The following HS2ST1 variants were observed in gnomAD, a reference collection of about 807,000 sequenced individuals.
HS2ST1 encodes heparan sulfate 2-O-sulfotransferase 1.
A neutral mutation model predicts 42.9 loss-of-function variants in HS2ST1; 18 were observed. The observed-to-expected ratio is 0.42, with a 90% CI of 0.29 to 0.62. The LOEUF (loss-of-function observed/expected upper bound fraction) is 0.62. HS2ST1 is among the 20% of genes least tolerant of loss of function. The probability of loss-of-function intolerance (pLI) is 0.21; values close to 1 mark genes in which losing one functional copy is unlikely to be tolerated. For synonymous variants in HS2ST1, 146 were observed against 152.9 expected, an observed-to-expected ratio of 0.95 and a Z score of 0.33; for missense variants, 334 against 433.8, an observed-to-expected ratio of 0.77 and a Z score of 2.04.
chr1:86,936,933 T>TAACAA (rs1660666944), intron 1 of HS2ST1, among the ~76,000 whole-genome samples: 1 of 98,402 alleles, frequency 1.0e-5, no homozygotes, highest in Admixed American at 1.1e-4. Flanking sequence ...CCGTCTCTAC[T>TAACAA]AAAAAAAAAA....
intron 2 of HS2ST1, among the ~76,000 whole-genome samples, chr1:87,080,329 A>G (rs920063270): frequency 2.0e-5 from 3 of 152,220 alleles, no homozygotes; most frequent in Non-Finnish European, 4.4e-5. Flanking sequence ...AATAAAGTTG[A>G]TGAATGAATT....
intron 2 of HS2ST1, among the ~76,000 whole-genome samples, chr1:87,076,876 C>G (rs994071623): frequency 6.6e-6 from 1 of 152,184 alleles, no homozygotes; most frequent in Non-Finnish European, 1.5e-5. Flanking sequence ...TTTGTATTCT[C>G]TGAAGAACAA....
chr1:86,933,448 C>T (rs1660581596), intron 1 of HS2ST1, among the ~76,000 whole-genome samples: 1 of 152,120 alleles, frequency 6.6e-6, no homozygotes, highest in Admixed American at 6.5e-5. Context: ...CTGTTGAATC[C>T]GTCAAAGCAT....
Position 87,107,904 on chromosome 1 carries a change from C to G in HS2ST1, c.*3208C>G, listed in dbSNP as rs975311207. The G allele has an allele frequency of 6.6e-6, 1 of 152,050 alleles. No homozygotes were observed. The highest frequency in any genetic ancestry group is 1.5e-5 in the Non-Finnish European group (1 of 67,936). The allele number at this position is 152,050 out of a possible 1,614,324, so 9.4% of individuals were successfully genotyped here. On this transcript the variant is annotated 3_prime_UTR_variant, in exon 7 of 7. Coordinates refer to ENST00000370550, the MANE Select transcript of HS2ST1 (RefSeq NM_012262.4). ...TCATCCATATGCATTTGTGCAACTT[C>G]AAACATATTGGGTGCTTCTGAATTC...
chr1:87,020,244 C>T (rs1649901003), intron 1 of HS2ST1, among the ~76,000 whole-genome samples: 1 of 152,136 alleles, frequency 6.6e-6, no homozygotes, highest in Non-Finnish European at 1.5e-5. Context: ...TACAAGAAAG[C>T]AGATTAAAAT....
intron 1 of HS2ST1, among the ~76,000 whole-genome samples, chr1:87,065,560 C>G (rs1651227991): frequency 1.3e-5 from 2 of 152,190 alleles, no homozygotes; most frequent in Admixed American, 6.5e-5. Flanking sequence ...GGTAGTTAAT[C>G]TAGGGTCATA....
intron 1 of HS2ST1, among the ~76,000 whole-genome samples, chr1:87,068,462 G>C (rs1651310970): frequency 6.6e-6 from 1 of 152,190 alleles, no homozygotes; most frequent in Admixed American, 6.5e-5. Flanking sequence ...TTTGGGCTGA[G>C]ACGATGGGGT....
At chr1:87,012,388 G>C (rs1454276512) in intron 1 of HS2ST1, among the ~76,000 whole-genome samples, 1 of 152,064 alleles carries the variant, frequency 6.6e-6, no homozygotes, top group East Asian at 1.9e-4. Flanking sequence ...GCTTGTGCAG[G>C]GGACAAGCTC....
chr1:87,068,660 C>T (rs943873487), intron 1 of HS2ST1, among the ~76,000 whole-genome samples: 33 of 152,066 alleles, frequency 2.2e-4, no homozygotes, highest in African/African-American at 7.0e-4. Flanking sequence ...TTCCCAACAC[C>T]TTTAAACTTA....
intron 1 of HS2ST1, among the ~76,000 whole-genome samples, chr1:87,035,524 A>C (rs1650351546): frequency 6.6e-6 from 1 of 152,146 alleles, no homozygotes; most frequent in Admixed American, 6.6e-5. Context: ...GTGTTATCAT[A>C]ATAATTTTTA....
In HS2ST1 at chr1:87,051,668, TAAC is replaced by T. The variant is rs543837159; in HGVS notation, c.125-21262_125-21260del. 1.2e-3 allele frequency among the ~76,000 whole-genome samples: 184 copies of T among 152,322 alleles called. 1 individual carries two copies. The highest frequency in any genetic ancestry group is 4.1e-3 in the African/African-American group (171 of 41,568). Reference sequence around the variant, plus strand: ...TCAAGCATTAGTTTTTGTCGATTGATAACAACTGTCCAGCATTTTACTGGTCAT... The same window carrying T: ...TCAAGCATTAGTTTTTGTCGATTGATAACTGTCCAGCATTTTACTGGTCAT... On this transcript the variant is annotated intron_variant, in intron 1 of 6. Transcript: ENST00000370550.
chr1:86,953,058 A>G (rs951100188), intron 1 of HS2ST1, among the ~76,000 whole-genome samples: 1 of 152,204 alleles, frequency 6.6e-6, no homozygotes, highest in African/African-American at 2.4e-5. Flanking sequence ...CAGGTATCCT[A>G]GCTAGACGGG....
At chr1:87,052,118 T>TAG (rs1208725764) in intron 1 of HS2ST1, among the ~76,000 whole-genome samples, 1 of 152,204 alleles carries the variant, frequency 6.6e-6, no homozygotes, top group East Asian at 1.9e-4. Flanking sequence ...CCAGGCATGA[T>TAG]AGCGCACACC....
chr1:87,102,825 C>T (rs1450009782), intron 5 of HS2ST1, among the ~76,000 whole-genome samples: 1 of 152,062 alleles, frequency 6.6e-6, no homozygotes, highest in Non-Finnish European at 1.5e-5. Context: ...CATACTGCTA[C>T]TTAAATGCAG....
intron 1 of HS2ST1, among the ~76,000 whole-genome samples, chr1:86,954,777 A>C (rs1038781980): frequency 6.6e-5 from 10 of 152,176 alleles, no homozygotes; most frequent in Admixed American, 3.3e-4. Flanking sequence ...ATGAGAAAAG[A>C]GTCAAGTTTT....
At chr1:87,017,258 T>C (rs1286920985) in intron 1 of HS2ST1, among the ~76,000 whole-genome samples, 1 of 152,128 alleles carries the variant, frequency 6.6e-6, no homozygotes, top group Non-Finnish European at 1.5e-5. Flanking sequence ...TGTCTCAACC[T>C]CCCGAGTAGC....
intron 1 of HS2ST1, among the ~76,000 whole-genome samples, chr1:86,925,594 C>T (rs79128206): frequency 0.022 from 3,340 of 152,172 alleles, 44 homozygotes; most frequent in South Asian, 0.053. Context: ...TTCAGGGGAA[C>T]GCCTCTTTTT....
At position 86,934,028 on chromosome 1, in the gene HS2ST1, A is replaced by G. The variant is rs564824116; in HGVS notation, c.124+18868A>G. Among the ~76,000 whole-genome samples the G allele has an allele frequency of 1.6e-4, 24 of 152,228 alleles. No homozygotes were observed. The East Asian group carries it at 4.2e-3, about 27-fold the overall frequency. Reference sequence around the variant, plus strand: ...TGTAAAAGTGTTCTATAATCTTATGATTAGCTCTTAGTGAGCCTGTGTCTT... The same window carrying G: ...TGTAAAAGTGTTCTATAATCTTATGGTTAGCTCTTAGTGAGCCTGTGTCTT... On this transcript the variant is annotated intron_variant, in intron 1 of 6. Coordinates refer to ENST00000370550, the MANE Select transcript of HS2ST1 (RefSeq NM_012262.4).
intron 1 of HS2ST1, among the ~76,000 whole-genome samples, chr1:87,067,127 G>C (rs550357928): frequency 1.4e-4 from 22 of 152,270 alleles, no homozygotes; most frequent in African/African-American, 4.1e-4. Context: ...TCTGGTTCTA[G>C]ATCCTTGAGG....
Sources: gnomAD v4.1 joint callset for allele counts (sites outside exome capture counted in the v4.1 genomes callset) on GRCh38, gnomAD v4.1.1 for gene constraint, MANE v1.5 for transcripts, NCBI Gene and HGNC (gene_info 2026-07-23, HGNC 2026-07-21) for gene names.